Variants in CSMD1 observed in about 807,000 individuals in gnomAD.
The protein encoded by CSMD1 is CUB and Sushi multiple domains 1.
In CSMD1, 213 loss-of-function variants were observed where a neutral mutation model predicts 417.5. That is an observed-to-expected ratio of 0.51 (90% CI 0.46 to 0.57). The LOEUF (loss-of-function observed/expected upper bound fraction) is 0.57. Ranked by LOEUF, CSMD1 falls within the 20% of genes least tolerant of loss-of-function variation. The pLI is 0.00. For synonymous variants in CSMD1, 2,862 were observed against 1,736.8 expected, an observed-to-expected ratio of 1.65 and a Z score of -16.11; for missense variants, 6,923 against 4,529.7, an observed-to-expected ratio of 1.53 and a Z score of -15.17.
intron 5 of CSMD1, among the ~76,000 whole-genome samples, chr8:3,836,677 C>T (rs1174105797): frequency 6.6e-6 from 1 of 151,982 alleles, no homozygotes; most frequent in Non-Finnish European, 1.5e-5. Context: ...CCTGTAATAA[C>T]CTTTGTTCAA....
intron 5 of CSMD1, among the ~76,000 whole-genome samples, chr8:3,914,668 A>C (rs1256026570): frequency 6.6e-6 from 1 of 152,154 alleles, no homozygotes; most frequent in African/African-American, 2.4e-5. Flanking sequence ...GTTAGTATGC[A>C]TTAAGTCAGC....
intron 37 of CSMD1, among the ~76,000 whole-genome samples, chr8:3,168,677 C>G (rs1179006316): frequency 6.7e-6 from 1 of 149,320 alleles, no homozygotes; most frequent in Non-Finnish European, 1.5e-5. Flanking sequence ...ATGGAAAACG[C>G]CATTAATAAC....
At chr8:4,466,294 G>A (rs1800163790) in intron 2 of CSMD1, among the ~76,000 whole-genome samples, 1 of 151,976 alleles carries the variant, frequency 6.6e-6, no homozygotes, top group South Asian at 2.1e-4. Context: ...AGAAAACAGA[G>A]GAGGAGGAGG....
chr8:4,325,752 C>T (rs1174099166), intron 3 of CSMD1, among the ~76,000 whole-genome samples: 1 of 152,108 alleles, frequency 6.6e-6, no homozygotes, highest in East Asian at 1.9e-4. Flanking sequence ...GAATGTTATT[C>T]CTGTTGCACC....
At chr8:3,815,874 G>C (rs979575245) in intron 5 of CSMD1, among the ~76,000 whole-genome samples, 6 of 152,082 alleles carry the variant, frequency 3.9e-5, no homozygotes, top group East Asian at 1.9e-4. Context: ...TGATGCTCCA[G>C]ACTTGTTACA....
chr8:4,813,906 A>C (rs1339665466), intron 1 of CSMD1, among the ~76,000 whole-genome samples: 2 of 152,136 alleles, frequency 1.3e-5, no homozygotes, highest in African/African-American at 2.4e-5. Flanking sequence ...AGGTCAATCT[A>C]CTCTAAATTT....
chr8:4,093,342 TAGA>T (rs1422169876), intron 3 of CSMD1, among the ~76,000 whole-genome samples: 1 of 152,172 alleles, frequency 6.6e-6, no homozygotes, highest in Non-Finnish European at 1.5e-5. Context: ...AATACAAATG[TAGA>T]AGAATAATGA....
At chr8:4,131,174 G>C (rs1382685802) in intron 3 of CSMD1, among the ~76,000 whole-genome samples, 1 of 152,168 alleles carries the variant, frequency 6.6e-6, no homozygotes, top group Non-Finnish European at 1.5e-5. Flanking sequence ...ACTGAGAGTA[G>C]TACATCAAAA....
chr8:4,571,827 T>C (rs994504378), intron 2 of CSMD1, among the ~76,000 whole-genome samples: 16 of 152,200 alleles, frequency 1.1e-4, no homozygotes, highest in African/African-American at 3.6e-4. Context: ...TGGGTGCATA[T>C]ATATTTAGGA....
At chr8:4,784,781 A>G (rs185643193) in intron 1 of CSMD1, among the ~76,000 whole-genome samples, 1,883 of 152,352 alleles carry the variant, frequency 0.012, 19 homozygotes, top group Non-Finnish European at 0.018. Context: ...TTCTCTCTTC[A>G]TATAACATGA....
At chr8:4,800,409 G>T (rs1027778049) in intron 1 of CSMD1, among the ~76,000 whole-genome samples, 3 of 149,146 alleles carry the variant, frequency 2.0e-5, no homozygotes, top group Non-Finnish European at 4.4e-5. Flanking sequence ...CTGTACTCCA[G>T]GCTGGGTGAC....
intron 2 of CSMD1, among the ~76,000 whole-genome samples, chr8:4,482,457 G>A (rs1207550893): frequency 6.6e-6 from 1 of 152,148 alleles, no homozygotes; most frequent in Non-Finnish European, 1.5e-5. Context: ...AGTACTCCAT[G>A]GTGTGTATGT....
intron 3 of CSMD1, among the ~76,000 whole-genome samples, chr8:4,293,218 G>T (rs955367286): frequency 6.6e-6 from 1 of 152,108 alleles, no homozygotes; most frequent in East Asian, 1.9e-4. Context: ...CAATGATGCC[G>T]TCCTCAAGGC....
rs112477506 is a variant in CSMD1, at chr8:4,778,607, G to C, written c.86-141049C>G. On this transcript the variant is annotated intron_variant, in intron 1 of 69. Transcript: ENST00000635120. ...TCCGTGAGAGGGAGGTCATGTGCAG[G>C]TCCTACTTCTACCACTATTGACCCT... Among the ~76,000 whole-genome samples, 247 of 152,280 alleles carry C rather than the reference G, an allele frequency of 1.6e-3. 1 individual carries two copies. The highest frequency in any genetic ancestry group is 5.7e-3 in the African/African-American group (237 of 41,544).
intron 3 of CSMD1, among the ~76,000 whole-genome samples, chr8:4,231,101 A>T (rs1801697272): frequency 6.6e-6 from 1 of 152,350 alleles, no homozygotes; most frequent in East Asian, 1.9e-4. Flanking sequence ...GCATTTCTCC[A>T]CCAAGGATAT....
At chr8:4,294,261 A>C (rs78518728) in intron 3 of CSMD1, among the ~76,000 whole-genome samples, 2,783 of 152,288 alleles carry the variant, frequency 0.018, 44 homozygotes, top group Non-Finnish European at 0.028. Flanking sequence ...ATCGTGTGAC[A>C]AACAATCACC....
chr8:3,644,850 T>C (rs774251298), intron 7 of CSMD1, among the ~76,000 whole-genome samples: 13 of 151,812 alleles, frequency 8.6e-5, no homozygotes, highest in Non-Finnish European at 8.8e-5. Flanking sequence ...TAACCTTCGT[T>C]TCCTAAGAGA....
At chr8:4,899,515 A>G (rs544394963) in intron 1 of CSMD1, among the ~76,000 whole-genome samples, 1 of 152,300 alleles carries the variant, frequency 6.6e-6, no homozygotes, top group South Asian at 2.1e-4. Flanking sequence ...ATTGTCTCAC[A>G]AAATAAGAAG....
intron 3 of CSMD1, among the ~76,000 whole-genome samples, chr8:4,159,737 C>A (rs548222332): frequency 2.0e-5 from 3 of 152,086 alleles, no homozygotes; most frequent in African/African-American, 7.2e-5. Context: ...TACAGGTGCC[C>A]GCCACCACGC....
Sources: allele counts gnomAD v4.1 joint callset (sites outside exome capture counted in the v4.1 genomes callset), GRCh38; gene constraint gnomAD v4.1.1; transcripts MANE v1.5; gene names NCBI Gene and HGNC (gene_info 2026-07-23, HGNC 2026-07-21).